CNTN6: variants seen among roughly 807,000 people sequenced by gnomAD.
CNTN6 encodes the protein contactin 6, also known as contactin-6.
A neutral mutation model predicts 122.8 loss-of-function variants in CNTN6; 137 were observed. The observed-to-expected ratio is 1.12, with a 90% CI of 0.97 to 1.29. CNTN6 has a LOEUF of 1.29. Among genes scored for constraint, CNTN6 ranks in the 50% most tolerant of loss-of-function variants. The pLI, the probability that CNTN6 is intolerant of heterozygous loss-of-function variation, is 0.00. For synonymous variants in CNTN6, 570 were observed against 426.0 expected (o/e 1.34, Z -4.16); for missense variants, 1,634 against 1,223.4 (o/e 1.34, Z -5.01).
At chr3:1,181,632 T>C (rs2093555905) in intron 2 of CNTN6, among the ~76,000 whole-genome samples, 1 of 152,124 alleles carries the variant, frequency 6.6e-6, no homozygotes, top group South Asian at 2.1e-4. Context: ...AGGTATTACA[T>C]TTATGCAGTT....
chr3:1,278,490 C>T lies in CNTN6; in HGVS notation c.436C>T (p.Pro146Ser). The T allele has an allele frequency of 6.2e-7, 1 of 1,611,222 alleles. No individual in the cohort carries two copies. The highest frequency in any genetic ancestry group is 1.3e-5 in the African/African-American group (1 of 74,906). Residue 146 changes from proline to serine, a missense_variant, in exon 5 of 23, where the codon CCA becomes TCA. By Grantham distance (74) the Pro-to-Ser change is moderately conservative (BLOSUM62 -1). Coordinates refer to ENST00000446702, the MANE Select transcript of CNTN6 (RefSeq NM_001289080.2). ...TCAAGGTGTGGTGCTTCTCTGTGGCCCACCGCCACATTTTGGAGGTATGAT... is the reference window on the plus strand; with the variant it reads ...TCAAGGTGTGGTGCTTCTCTGTGGCTCACCGCCACATTTTGGAGGTATGAT... The part of the protein sequence containing the change: ...EGQGVVLLCG[P>S]PPHFGDLSYA...
chr3:1,318,895 C>T (rs963344014), intron 7 of CNTN6, among the ~76,000 whole-genome samples: 1 of 151,678 alleles, frequency 6.6e-6, no homozygotes, highest in East Asian at 1.9e-4. Context: ...GTACAAAGTA[C>T]ATAGGAATCT....
chr3:1,278,295 G>A (rs987361327), intron 4 of CNTN6, 118 bp from the exon 5 acceptor site: 17 of 652,478 alleles, frequency 2.6e-5, no homozygotes, highest in Non-Finnish European at 3.6e-5. Context: ...TAAGTCTTCT[G>A]GTCAGCAAAG....
intron 2 of CNTN6, among the ~76,000 whole-genome samples, chr3:1,166,904 G>A (rs1428542235): frequency 6.6e-6 from 1 of 152,060 alleles, no homozygotes; most frequent in Non-Finnish European, 1.5e-5. Context: ...AGCAAGGGGA[G>A]GGAGAGCACT....
chr3:1,147,932 T>TCCA lies in CNTN6; in HGVS notation c.-77_-76insCCA. ...GACAATTTTGTCTTTTTCAGACTCT[T>TCCA]GAGATACTGACTGGAAGATAGACTG... is the stretch of plus-strand genomic sequence containing the variant. On this transcript the variant is annotated 5_prime_UTR_variant, in exon 2 of 23. Transcript: ENST00000446702. The TCCA allele has an allele frequency of 2.0e-6, 2 of 997,598 alleles. No individual in the cohort carries two copies. Among genetic ancestry groups the TCCA allele is most frequent in the Non-Finnish European group, 3.2e-6 (2 of 630,114 alleles). The allele number at this position is 997,598 out of a possible 1,614,324, so 61.8% of individuals were successfully genotyped here.
intron 7 of CNTN6, among the ~76,000 whole-genome samples, chr3:1,304,059 CTG>C (rs1054398762): frequency 6.6e-6 from 1 of 152,200 alleles, no homozygotes; most frequent in African/African-American, 2.4e-5. Flanking sequence ...CTTTCTAACA[CTG>C]TGCTCTGCAA....
At position 1,233,551 on chromosome 3, in the gene CNTN6, T is replaced by C. The variant is rs182768460; in HGVS notation, c.358+5558T>C. On this transcript the variant is annotated intron_variant, in intron 4 of 22. Transcript: ENST00000446702. ...GAGTTTGAGACCAGCCTGGCCAACA[T>C]AGTGAAACCACGTCTCTATAAAAAA... Among the ~76,000 whole-genome samples, 1,096 of 151,800 alleles carry C rather than the reference T, an allele frequency of 7.2e-3. 10 individuals carry two copies. Among genetic ancestry groups the C allele is most frequent in the African/African-American group, 0.023 (969 of 41,374 alleles).
intron 20 of CNTN6, among the ~76,000 whole-genome samples, chr3:1,393,832 T>G (rs1334369513): frequency 1.3e-5 from 2 of 152,142 alleles, no homozygotes. Flanking sequence ...ATGACATATA[T>G]AATACCTATA....
At chr3:1,170,236 CAAAAAAAA>C (rs10525769) in intron 2 of CNTN6, among the ~76,000 whole-genome samples, 4 of 107,454 alleles carry the variant, frequency 3.7e-5, no homozygotes, top group African/African-American at 1.0e-4. Context: ...GGCTCCATCT[CAAAAAAAA>C]AAAAAAAAAA....
At chr3:1,118,083 G>T (rs2091799840) in intron 1 of CNTN6, among the ~76,000 whole-genome samples, 2 of 152,154 alleles carry the variant, frequency 1.3e-5, no homozygotes, top group Non-Finnish European at 2.9e-5. Context: ...TTTTCAAGAG[G>T]ATTAAATTAT....
chr3:1,101,460 C>T (rs762761190), intron 1 of CNTN6, among the ~76,000 whole-genome samples: 26 of 152,116 alleles, frequency 1.7e-4, no homozygotes, highest in Non-Finnish European at 3.1e-4. Context: ...TGCATGGTGC[C>T]GTGTACTTCC....
At chr3:1,373,293 A>G (rs1559953311) in intron 14 of CNTN6, among the ~76,000 whole-genome samples, 1 of 152,084 alleles carries the variant, frequency 6.6e-6, no homozygotes, top group Non-Finnish European at 1.5e-5. Flanking sequence ...GTAGTTCTTC[A>G]TATTAGCTGC....
chr3:1,183,747 CA>C (rs996207867), intron 2 of CNTN6, among the ~76,000 whole-genome samples: 3 of 150,364 alleles, frequency 2.0e-5, no homozygotes, highest in South Asian at 2.1e-4. Context: ...ATAGTGGCTT[CA>C]AAAAAAAACA....
intron 2 of CNTN6, among the ~76,000 whole-genome samples, chr3:1,159,426 A>C (rs938495400): frequency 3.3e-5 from 5 of 152,146 alleles, no homozygotes; most frequent in Non-Finnish European, 7.3e-5. Context: ...CACACTACCC[A>C]GAATGCAATT....
chr3:1,296,900 A>T (rs1211269648), intron 6 of CNTN6, among the ~76,000 whole-genome samples: 3 of 152,056 alleles, frequency 2.0e-5, no homozygotes, highest in African/African-American at 7.2e-5. Flanking sequence ...TTGCCTTCTT[A>T]ATTCCTTCCT....
At chr3:1,099,520 ATTC>A (rs1317496832) in intron 1 of CNTN6, among the ~76,000 whole-genome samples, 1 of 152,194 alleles carries the variant, frequency 6.6e-6, no homozygotes, top group Non-Finnish European at 1.5e-5. Context: ...TGTGTTTTAT[ATTC>A]TTATTATTCA....
intron 4 of CNTN6, among the ~76,000 whole-genome samples, chr3:1,277,430 G>A (rs751783051): frequency 1.1e-4 from 14 of 127,404 alleles, no homozygotes; most frequent in Non-Finnish European, 2.0e-4. Flanking sequence ...CGCAATCTCG[G>A]CTCATTGCAA....
chr3:1,179,559 T>C (rs140111933), intron 2 of CNTN6, among the ~76,000 whole-genome samples: 23 of 152,300 alleles, frequency 1.5e-4, no homozygotes, highest in Middle Eastern at 6.8e-3. Flanking sequence ...AGTAGAGTTT[T>C]ATTTTTAATG....
chr3:1,102,820 T>C (rs956796603), intron 1 of CNTN6, among the ~76,000 whole-genome samples: 4 of 148,204 alleles, frequency 2.7e-5, no homozygotes, highest in Admixed American at 2.0e-4. Context: ...ACAAAATTAA[T>C]GTCCAGGCCG....
Sources: gnomAD v4.1 joint callset for allele counts (sites outside exome capture counted in the v4.1 genomes callset) on GRCh38, gnomAD v4.1.1 for gene constraint, MANE v1.5 for transcripts, NCBI Gene and HGNC (gene_info 2026-07-23, HGNC 2026-07-21) for gene names.